Variants in CCSER1 observed in about 807,000 individuals in gnomAD.
The protein encoded by CCSER1 is coiled-coil serine rich protein 1, also known as serine-rich coiled-coil domain-containing protein 1.
CCSER1 carries 41 observed loss-of-function variants against 82.0 expected under a neutral mutation model. The ratio of observed to expected loss-of-function variants is 0.50; its 90% CI spans 0.39 to 0.65. CCSER1 has a LOEUF of 0.65. CCSER1 is among the 30% of genes least tolerant of loss of function. The pLI, the probability that CCSER1 is intolerant of heterozygous loss-of-function variation, is 0.00. For synonymous variants in CCSER1, 414 were observed against 383.9 expected (o/e 1.08, Z -0.92); for missense variants, 1,119 against 1,064.2 (o/e 1.05, Z -0.72).
At chr4:90,663,080 T>C (rs1460800790) in intron 6 of CCSER1, among the ~76,000 whole-genome samples, 1 of 152,172 alleles carries the variant, frequency 6.6e-6, no homozygotes, top group Admixed American at 6.5e-5. Context: ...TTTCTGATTT[T>C]TATCAGGAAG....
At chr4:90,654,532 C>A (rs919367523) in intron 6 of CCSER1, among the ~76,000 whole-genome samples, 18 of 151,906 alleles carry the variant, frequency 1.2e-4, no homozygotes, top group African/African-American at 3.9e-4. Context: ...ATGTACATTG[C>A]TCATTTCTCT....
intron 10 of CCSER1, among the ~76,000 whole-genome samples, chr4:91,154,647 A>G (rs929959972): frequency 6.6e-6 from 1 of 151,984 alleles, no homozygotes; most frequent in Non-Finnish European, 1.5e-5. Flanking sequence ...AGCTCTTCCT[A>G]TTTGGCCATC....
At chr4:90,517,009 C>A (rs6815904) in intron 5 of CCSER1, among the ~76,000 whole-genome samples, 5,282 of 152,046 alleles carry the variant, frequency 0.035, 333 homozygotes, top group African/African-American at 0.12. Context: ...GGGTTACATC[C>A]CATAAAGCCA....
At chr4:91,542,170 C>T (rs1761636136) in intron 10 of CCSER1, among the ~76,000 whole-genome samples, 1 of 152,124 alleles carries the variant, frequency 6.6e-6, no homozygotes, top group Admixed American at 6.6e-5. Context: ...TTCTCCCATT[C>T]TGTAGGTTGC....
chr4:90,170,377 G>C (rs567906527), intron 1 of CCSER1, among the ~76,000 whole-genome samples: 3 of 149,098 alleles, frequency 2.0e-5, no homozygotes, highest in Admixed American at 2.0e-4. Flanking sequence ...TTTAATTCTC[G>C]AACACTTTAC....
At chr4:91,468,800 G>A (rs1290809163) in intron 10 of CCSER1, among the ~76,000 whole-genome samples, 1 of 152,000 alleles carries the variant, frequency 6.6e-6, no homozygotes, top group Admixed American at 6.6e-5. Flanking sequence ...TCTGGATGCT[G>A]GAAATATCAG....
At chr4:90,162,113 T>G (rs1729566251) in intron 1 of CCSER1, among the ~76,000 whole-genome samples, 1 of 152,100 alleles carries the variant, frequency 6.6e-6, no homozygotes, top group Non-Finnish European at 1.5e-5. Context: ...AAGGTTTAGG[T>G]GTACAAAGTA....
intron 3 of CCSER1, among the ~76,000 whole-genome samples, chr4:90,316,727 A>G (rs766355731): frequency 2.6e-5 from 4 of 152,200 alleles, no homozygotes; most frequent in South Asian, 2.1e-4. Flanking sequence ...ATTTCCTGAA[A>G]GACCGAAGAT....
At chr4:90,875,882 C>G (rs1767141187) in intron 8 of CCSER1, among the ~76,000 whole-genome samples, 1 of 152,026 alleles carries the variant, frequency 6.6e-6, no homozygotes, top group African/African-American at 2.4e-5. Flanking sequence ...TATAACCAAA[C>G]AAAATTAAAG....
At chr4:91,139,238 A>G (rs1338926961) in intron 10 of CCSER1, among the ~76,000 whole-genome samples, 1 of 152,032 alleles carries the variant, frequency 6.6e-6, no homozygotes, top group Non-Finnish European at 1.5e-5. Flanking sequence ...ATGGCTGCAT[A>G]GTATTCCAAG....
intron 8 of CCSER1, among the ~76,000 whole-genome samples, chr4:90,891,639 T>C (rs932101317): frequency 6.6e-6 from 1 of 152,018 alleles, no homozygotes; most frequent in Admixed American, 6.6e-5. Context: ...CAAAATACTT[T>C]TTTCTTCTGG....
intron 6 of CCSER1, among the ~76,000 whole-genome samples, chr4:90,631,307 T>G (rs1379401606): frequency 6.6e-6 from 1 of 152,218 alleles, no homozygotes; most frequent in Non-Finnish European, 1.5e-5. Flanking sequence ...ATTTTTGGTT[T>G]GTTACATGAG....
intron 10 of CCSER1, among the ~76,000 whole-genome samples, chr4:91,491,595 A>C (rs1050847334): frequency 6.6e-6 from 1 of 152,082 alleles, no homozygotes; most frequent in African/African-American, 2.4e-5. Context: ...CAATATACCA[A>C]AACCATATGT....
chr4:91,185,174 C>G (rs1734408504), intron 10 of CCSER1, among the ~76,000 whole-genome samples: 1 of 152,130 alleles, frequency 6.6e-6, no homozygotes, highest in African/African-American at 2.4e-5. Flanking sequence ...TTTGATTTAC[C>G]CAATAAGCTG....
chr4:90,854,762 T>A (rs1190987203), intron 8 of CCSER1, among the ~76,000 whole-genome samples: 4 of 152,136 alleles, frequency 2.6e-5, no homozygotes, highest in Non-Finnish European at 5.9e-5. Context: ...ATCTTCATTA[T>A]AAGATTGCTC....
intron 5 of CCSER1, among the ~76,000 whole-genome samples, chr4:90,518,851 A>G (rs1343164300): frequency 6.6e-6 from 1 of 151,922 alleles, no homozygotes; most frequent in Non-Finnish European, 1.5e-5. Context: ...AGATATCCAT[A>G]TAAAGATACA....
At chr4:90,990,707 T>C (rs1736956061) in intron 9 of CCSER1, among the ~76,000 whole-genome samples, 1 of 152,056 alleles carries the variant, frequency 6.6e-6, no homozygotes. Flanking sequence ...ATACATTCCC[T>C]GGGTCTTTCT....
intron 10 of CCSER1, among the ~76,000 whole-genome samples, chr4:91,406,894 A>C (rs925973007): frequency 6.6e-6 from 1 of 152,330 alleles, no homozygotes; most frequent in East Asian, 1.9e-4. Context: ...AATGAAAAAA[A>C]CAACCTTTGT....
At chr4:90,771,813 C>T (rs944560375) in intron 7 of CCSER1, among the ~76,000 whole-genome samples, 1 of 151,950 alleles carries the variant, frequency 6.6e-6, no homozygotes, top group Non-Finnish European at 1.5e-5. Context: ...GTGGTGTATC[C>T]TCTGGTTTCC....
Sources: gnomAD v4.1 joint callset for allele counts (sites outside exome capture counted in the v4.1 genomes callset) on GRCh38, gnomAD v4.1.1 for gene constraint, MANE v1.5 for transcripts, NCBI Gene and HGNC (gene_info 2026-07-23, HGNC 2026-07-21) for gene names.